PUM1: variants seen among roughly 807,000 people sequenced by gnomAD.
The protein encoded by PUM1 is pumilio homolog 1.
In PUM1, 13 loss-of-function variants were observed where a neutral mutation model predicts 131.8. The observed-to-expected ratio is 0.10, with a 90% confidence interval of 0.06 to 0.16. The LOEUF (loss-of-function observed/expected upper bound fraction) is 0.16. PUM1 is among the 10% of genes least tolerant of loss of function. The probability of loss-of-function intolerance (pLI) is 1.00; values close to 1 mark genes in which losing one functional copy is unlikely to be tolerated. For missense variants in PUM1, 961 were observed against 1,512.4 expected (o/e 0.64, Z 6.05); for synonymous variants, 509 against 556.5 (o/e 0.91, Z 1.20).
At chr1:30,954,488 T>G (rs1464405101) in intron 14 of PUM1, among the ~76,000 whole-genome samples, 2 of 152,176 alleles carry the variant, frequency 1.3e-5, no homozygotes, top group African/African-American at 4.8e-5. Context: ...AAGCTGTCTT[T>G]GAAGGAATGA....
At chr1:30,937,429 C>T (rs959560102) in intron 20 of PUM1, among the ~76,000 whole-genome samples, 2 of 151,950 alleles carry the variant, frequency 1.3e-5, no homozygotes, top group Admixed American at 6.5e-5. Context: ...TTGCTTGAAT[C>T]GGGAGGCGGA....
intron 3 of PUM1, among the ~76,000 whole-genome samples, chr1:31,017,273 C>A (rs1336148090): frequency 6.6e-6 from 1 of 152,148 alleles, no homozygotes; most frequent in African/African-American, 2.4e-5. Flanking sequence ...AAGATAAGCA[C>A]ACTGCCTAAT....
chr1:31,038,740 A>T (rs1183977495), intron 2 of PUM1, among the ~76,000 whole-genome samples: 1 of 151,862 alleles, frequency 6.6e-6, no homozygotes, highest in Non-Finnish European at 1.5e-5. Context: ...GACAATATGT[A>T]ATATGGGTTT....
At chr1:31,065,424 C>CA (rs1557614406) in intron 1 of PUM1, among the ~76,000 whole-genome samples, 192 bp downstream of exon 1, 1 of 148,074 alleles carries the variant, frequency 6.8e-6, no homozygotes, top group Admixed American at 6.8e-5. Context: ...CCTTTGATAA[C>CA]AATAGGGGCC....
At chr1:31,035,210 G>A (rs937538786) in intron 2 of PUM1, among the ~76,000 whole-genome samples, 3 of 151,974 alleles carry the variant, frequency 2.0e-5, no homozygotes, top group African/African-American at 7.3e-5. Flanking sequence ...TGGGCAACAT[G>A]AGAAAAATCC....
At chr1:31,064,397 C>T (rs779594189) in intron 1 of PUM1, among the ~76,000 whole-genome samples, 4 of 152,092 alleles carry the variant, frequency 2.6e-5, no homozygotes, top group Admixed American at 6.6e-5. Context: ...ATCAACAGCC[C>T]CCCAGTGTTT....
chr1:30,953,969 T>C lies in PUM1; in HGVS notation c.2336A>G (p.Asn779Ser). 1 of 1,613,874 alleles carries C rather than the reference T, an allele frequency of 6.2e-7. No individual in the cohort carries two copies. The highest frequency in any genetic ancestry group is 8.5e-7 in the Non-Finnish European group (1 of 1,179,788). Reference protein sequence around the residue: ...SSSLNLGGLTNGSGRYISAAP... With the variant: ...SSSLNLGGLTSGSGRYISAAP... ...AGCAGAGATGTATCTTCCACTGCCA[T>C]TCGTGAGTCCTCCTGTTGGTTACAG... The change falls in exon 15 of 22, where the codon AAT becomes AGT. Residue 779 changes from asparagine (N) to serine (S), a missense_variant. Physicochemically the swap from Asn to Ser is conservative, Grantham distance 46 (BLOSUM62 1). Transcript: ENST00000426105.
At chr1:31,036,795 G>C (rs1363485684) in intron 2 of PUM1, 2 of 153,530 alleles carry the variant, frequency 1.3e-5, no homozygotes, top group African/African-American at 4.8e-5. Context: ...ACGAGGCAAA[G>C]AACTTACATC....
In PUM1 at chr1:31,008,576, C is replaced by T. The variant is rs576205147; in HGVS notation, c.433-1474G>A. On this transcript the variant is annotated intron_variant, in intron 3 of 21. Coordinates refer to ENST00000426105, the MANE Select transcript of PUM1 (RefSeq NM_001020658.2). ...CCCCGATCGAGGGTAGCATTAGGGT[C>T]GGGAAGCACTAAACTGGACAACTTT... Among the ~76,000 whole-genome samples, 13 of 152,002 alleles carry T rather than the reference C, an allele frequency of 8.6e-5. No homozygotes were observed. In the South Asian group the frequency reaches 2.5e-3, roughly 29 times the overall value.
intron 2 of PUM1, among the ~76,000 whole-genome samples, chr1:31,038,028 G>A (rs113832550): frequency 0.024 from 3,578 of 147,994 alleles, 92 homozygotes; most frequent in African/African-American, 0.071. Flanking sequence ...GCAGTGAGCC[G>A]AGATTTCGCC....
intron 1 of PUM1, among the ~76,000 whole-genome samples, chr1:31,060,837 G>C (rs925054272): frequency 1.3e-5 from 2 of 150,904 alleles, no homozygotes; most frequent in Non-Finnish European, 2.9e-5. Context: ...AGTGAGCCAA[G>C]ATCGCACCAC....
At chr1:30,954,443 A>T (rs1640067639) in intron 14 of PUM1, among the ~76,000 whole-genome samples, 1 of 152,190 alleles carries the variant, frequency 6.6e-6, no homozygotes, top group South Asian at 2.1e-4. Flanking sequence ...TCAGGCATCC[A>T]GATTGGTCTG....
At chr1:30,968,323 C>G in intron 11 of PUM1, 31 bp downstream of exon 11, 1 of 1,586,970 alleles carries the variant, frequency 6.3e-7, no homozygotes, top group East Asian at 2.3e-5. Flanking sequence ...TTTTCCCTGC[C>G]AAAGTATTAG....
intron 2 of PUM1, among the ~76,000 whole-genome samples, chr1:31,056,757 G>A (rs986330642): frequency 2.7e-5 from 4 of 150,830 alleles, no homozygotes; most frequent in African/African-American, 9.8e-5. Flanking sequence ...CTCCCAAGCA[G>A]CTGGAAACAC....
intron 3 of PUM1, among the ~76,000 whole-genome samples, chr1:31,026,436 T>C (rs1403254589): frequency 6.6e-6 from 1 of 152,174 alleles, no homozygotes; most frequent in Non-Finnish European, 1.5e-5. Context: ...GTCCTGTCAA[T>C]AATGATCCTG....
intron 2 of PUM1, among the ~76,000 whole-genome samples, chr1:31,056,686 G>A (rs533210682): frequency 2.4e-5 from 3 of 123,496 alleles, no homozygotes; most frequent in Non-Finnish European, 4.7e-5. Context: ...AAGTGCAGTG[G>A]CATGATCTCT....
Sources: gnomAD v4.1 joint callset for allele counts (sites outside exome capture counted in the v4.1 genomes callset) on GRCh38, gnomAD v4.1.1 for gene constraint, MANE v1.5 for transcripts, NCBI Gene and HGNC (gene_info 2026-07-23, HGNC 2026-07-21) for gene names.